The following AP1G1 variants were observed in gnomAD, a reference collection of about 807,000 sequenced individuals.
The protein encoded by AP1G1 is adaptor related protein complex 1 subunit gamma 1, also known as AP-1 complex subunit gamma-1.
Under a neutral mutation model 108.3 loss-of-function variants are expected in AP1G1, and 7 were observed. The observed-to-expected ratio is 0.06, with a 90% CI of 0.04 to 0.12. The LOEUF (loss-of-function observed/expected upper bound fraction) is 0.12, where lower values mean the gene tolerates loss of function less well. Ranked by LOEUF, AP1G1 falls within the 10% of genes least tolerant of loss-of-function variation. The pLI, the probability that AP1G1 is intolerant of heterozygous loss-of-function variation, is 1.00. For synonymous variants in AP1G1, 379 were observed against 353.5 expected (o/e 1.07, Z -0.81); for missense variants, 756 against 1,010.7 (o/e 0.75, Z 3.42).
chr16:71,799,655 C>T (rs900030161), intron 1 of AP1G1, among the ~76,000 whole-genome samples: 4 of 152,058 alleles, frequency 2.6e-5, no homozygotes, highest in African/African-American at 9.7e-5. Context: ...AATCCCAGCA[C>T]TTTGGGAGGC....
intron 13 of AP1G1, chr16:71,750,540 A>C (rs1597045425): frequency 8.6e-6 from 4 of 465,752 alleles, no homozygotes; most frequent in Non-Finnish European, 1.5e-5. Flanking sequence ...TCAGCCTCCC[A>C]AGTAGCTGGG....
chr16:71,772,649 A>G (rs1031837208), intron 4 of AP1G1, among the ~76,000 whole-genome samples: 1 of 152,212 alleles, frequency 6.6e-6, no homozygotes, highest in Non-Finnish European at 1.5e-5. Flanking sequence ...GGCACAGTAA[A>G]TGCCAAACAG....
At chr16:71,748,139 CT>C (rs2145433186) in intron 16 of AP1G1, 111 bp downstream of exon 16, 1 of 1,097,810 alleles carries the variant, frequency 9.1e-7, no homozygotes, top group South Asian at 1.5e-5. Context: ...TGTTATTATT[CT>C]CTCTACTTTT....
In AP1G1 at chr16:71,737,846, G is replaced by A. The variant is rs562148009; in HGVS notation, c.2268+1096C>T. On this transcript the variant is annotated intron_variant, in intron 21 of 22. Transcript: ENST00000299980. The stretch of plus-strand genomic sequence containing the variant: ...AACTATGGCCCACTGGCCAAGAATC[G>A]CCCAACATCTGATTTTGCAAATAAC... 1.1e-4 allele frequency among the ~76,000 whole-genome samples: 16 copies of A among 152,214 alleles called. No individual in the cohort carries two copies. The South Asian group carries it at 1.4e-3, about 14-fold the overall frequency.
chr16:71,770,684 C>T (rs1004182455), intron 5 of AP1G1, among the ~76,000 whole-genome samples: 1 of 152,170 alleles, frequency 6.6e-6, no homozygotes, highest in African/African-American at 2.4e-5. Flanking sequence ...GACTTTGTTG[C>T]CCAGGCTGGT....
chr16:71,772,967 T>C (rs1308817395), intron 4 of AP1G1: 1 of 548,854 alleles, frequency 1.8e-6, no homozygotes. Flanking sequence ...CACCTTGCTG[T>C]AATACTGTTT....
intron 11 of AP1G1, 182 bp downstream of exon 11, chr16:71,758,626 A>G (rs2030927004): frequency 1.6e-6 from 1 of 606,464 alleles, no homozygotes; most frequent in Admixed American, 2.6e-5. Context: ...CTCCCTGCCA[A>G]TCCTTTCTAA....
chr16:71,755,776 G>C (rs912038309), intron 12 of AP1G1, among the ~76,000 whole-genome samples: 1 of 151,970 alleles, frequency 6.6e-6, no homozygotes, highest in Non-Finnish European at 1.5e-5. Flanking sequence ...CTGCCGAGTA[G>C]CTGGGACTAC....
At position 71,776,297 on chromosome 16, in the gene AP1G1, G is replaced by A. The variant is rs11866980; in HGVS notation, c.202-1705C>T. On this transcript the variant is annotated intron_variant, in intron 2 of 22. Transcript: ENST00000299980. ...GTTAGCTGAATGACTATACTATCACGAGCATTTCAAAGAAGTCTCCAAGGA... is the reference window on the plus strand; with the variant it reads ...GTTAGCTGAATGACTATACTATCACAAGCATTTCAAAGAAGTCTCCAAGGA... Among the ~76,000 whole-genome samples, 663 of 152,244 alleles carry A rather than the reference G, an allele frequency of 4.4e-3. 11 individuals are homozygous for A. Among genetic ancestry groups the A allele is most frequent in the African/African-American group, 0.015 (643 of 41,542 alleles).
chr16:71,731,878 G>A lies in AP1G1; in HGVS notation c.*1180C>T, dbSNP rs187863231. On this transcript the variant is annotated 3_prime_UTR_variant, in exon 23 of 23. Coordinates refer to ENST00000299980, the MANE Select transcript of AP1G1 (RefSeq NM_001128.6). Reference sequence around the variant, plus strand: ...AACACCATAAAGTACAATATGGAAAGATTTCTTTAACCGTGTGGTCTTTAT... The same window carrying A: ...AACACCATAAAGTACAATATGGAAAAATTTCTTTAACCGTGTGGTCTTTAT... 7 of 152,784 alleles carry A rather than the reference G, an allele frequency of 4.6e-5. No individual in the cohort carries two copies. The East Asian group carries it at 1.3e-3, about 29-fold the overall frequency. 9.5% of individuals were successfully genotyped at this position (152,784 alleles called of 1,614,324 possible). A position where few individuals can be genotyped will look rare whatever the true frequency, so the allele number is the denominator to read the frequency against.
At chr16:71,774,315 G>C (rs1376457191) in intron 3 of AP1G1, 153 bp downstream of exon 3, 1 of 726,870 alleles carries the variant, frequency 1.4e-6, no homozygotes, top group Non-Finnish European at 2.2e-6. Flanking sequence ...CTGGCAGTTG[G>C]GGGAGGACGG....
chr16:71,758,772 A>G, intron 11 of AP1G1, 36 bp downstream of exon 11: 1 of 1,343,628 alleles, frequency 7.4e-7, no homozygotes, highest in Non-Finnish European at 1.0e-6. Flanking sequence ...CAATTTACCA[A>G]AAACACTAGA....
chr16:71,772,363 T>C (rs1457814403), intron 4 of AP1G1, among the ~76,000 whole-genome samples: 1 of 152,196 alleles, frequency 6.6e-6, no homozygotes, highest in African/African-American at 2.4e-5. Context: ...TCTCCTGACC[T>C]TGTGATCCAC....
In AP1G1 at chr16:71,803,754, G is replaced by C. The variant is rs149521525; in HGVS notation, c.-4+5009C>G. Among the ~76,000 whole-genome samples the C allele has an allele frequency of 2.0e-5, 3 of 152,066 alleles. No homozygotes were observed. The East Asian group carries it at 5.8e-4, about 29-fold the overall frequency. ...AGCCTGGTCAACAGGGTGAAGCCCT[G>C]TCTCTACTAAAAATACAAAAATTAG... On this transcript the variant is annotated intron_variant, in intron 1 of 22. Transcript: ENST00000299980.
chr16:71,764,541 C>T, intron 8 of AP1G1, 93 bp from the exon 9 acceptor site: 2 of 1,253,486 alleles, frequency 1.6e-6, no homozygotes, highest in Non-Finnish European at 2.2e-6. Flanking sequence ...GTGATTACAG[C>T]TATGAATGAG....
In AP1G1 at chr16:71,792,618, T is replaced by C. The variant is rs147183843; in HGVS notation, c.-3-3136A>G. ...CTGTAATCCTAGCACTTTGGGAGCA[T>C]TGAGATGGGTGGATCACCTGAGGTC... On this transcript the variant is annotated intron_variant, in intron 1 of 22. Coordinates refer to ENST00000299980, the MANE Select transcript of AP1G1 (RefSeq NM_001128.6). Among the ~76,000 whole-genome samples the C allele has an allele frequency of 1.7e-3, 255 of 151,430 alleles. 1 individual carries two copies. Among genetic ancestry groups the C allele is most frequent in the African/African-American group, 5.2e-3 (216 of 41,228 alleles).
At position 71,745,512 on chromosome 16, in the gene AP1G1, C is replaced by A; in HGVS notation, c.1833G>T (p.Glu611Asp). 1 of 1,614,168 alleles carries A rather than the reference C, an allele frequency of 6.2e-7. No homozygotes were observed. The stretch of plus-strand genomic sequence containing the variant: ...GTGGCCCAGAGGGTGGCGGTTTGGT[C>A]TCTAGTGGAGCTGGTTCTGTCTCTC... ...TNGETEPAPLETKPPPSGPQP... is the reference protein window; with the variant it reads ...TNGETEPAPLDTKPPPSGPQP... Residue 611 changes from glutamate to aspartate, a missense_variant, in exon 18 of 23, where the codon GAG (glutamate) becomes GAT (aspartate). By Grantham distance (45) the Glu-to-Asp change is conservative (BLOSUM62 2). This residue lies in a region of AP1G1 where 357 missense variants were observed against 366.5 expected (regional missense o/e 0.97). Transcript: ENST00000299980.
rs1567661190 is a variant in AP1G1 at position 71,789,311 on chromosome 16, G to A, written c.169C>T (p.His57Tyr). ...AAGTGAGCAGGGTAGCCCAGCATGTGCATATACAGTAATTTTGCCACATTC... is the reference window on the plus strand; with the variant it reads ...AAGTGAGCAGGGTAGCCCAGCATGTACATATACAGTAATTTTGCCACATTC... Reference protein sequence around the residue: ...CRNVAKLLYMHMLGYPAHFGQ... With the variant: ...CRNVAKLLYMYMLGYPAHFGQ... The change falls in exon 2 of 23, where the codon CAC becomes TAC. Residue 57 changes from histidine (H) to tyrosine (Y), a missense_variant. By Grantham distance (83) the His-to-Tyr change is moderately conservative. Transcript: ENST00000299980. 6.2e-7 allele frequency: 1 copy of A among 1,614,110 alleles called. No homozygotes were observed. Among genetic ancestry groups the A allele is most frequent in the Admixed American group, 1.7e-5 (1 of 60,012 alleles).
In AP1G1 at chr16:71,734,593, C is replaced by T. The variant is rs780502145; in HGVS notation, c.2367+16G>A. 6.3e-7 allele frequency: 1 copy of T among 1,585,746 alleles called. No individual in the cohort carries two copies. Among genetic ancestry groups the T allele is most frequent in the East Asian group, 2.2e-5 (1 of 44,694 alleles). The stretch of plus-strand genomic sequence containing the variant: ...TACACTTCGGCTCAGATATTGGCTA[C>T]AAATGTGCTACTCACCTTCTGAGGG... On this transcript the variant is annotated intron_variant, in intron 22 of 22. Coordinates refer to ENST00000299980, the MANE Select transcript of AP1G1 (RefSeq NM_001128.6).
Sources: allele counts gnomAD v4.1 joint callset (sites outside exome capture counted in the v4.1 genomes callset), GRCh38; gene constraint gnomAD v4.1.1; regional missense constraint gnomAD v4.1.1; transcripts MANE v1.5; gene names NCBI Gene and HGNC (gene_info 2026-07-23, HGNC 2026-07-21).